The following KRTAP4-4 variants were observed in gnomAD, a reference collection of about 807,000 sequenced individuals.
KRTAP4-4 encodes keratin-associated protein 4-4.
For missense variants in KRTAP4-4, 186 were observed against 206.9 expected, an observed-to-expected ratio of 0.90 and a Z score of 0.62; for synonymous variants, 88 against 76.4, an observed-to-expected ratio of 1.15 and a Z score of -0.79.
chr17:41,160,182 G>A lies in KRTAP4-4; in HGVS notation c.*9C>T. On this transcript the variant is annotated 3_prime_UTR_variant, in exon 1 of 1. Coordinates refer to ENST00000390661, the MANE Select transcript of KRTAP4-4 (RefSeq NM_032524.2). ...TGGTCCTGTAGCAGGTGGTTTGCCA[G>A]CAGATGGGCTAGCAGCATAGAGACT... 6.2e-7 allele frequency: 1 copy of A among 1,611,012 alleles called. No individual in the cohort carries two copies. Among genetic ancestry groups the A allele is most frequent in the South Asian group, 1.1e-5 (1 of 90,804 alleles).
rs2014943588 is a variant in KRTAP4-4, at chr17:41,160,083, G to T, written c.*108C>A. The T allele has an allele frequency of 6.6e-7, 1 of 1,519,152 alleles. No homozygotes were observed. Among genetic ancestry groups the T allele is most frequent in the Non-Finnish European group, 8.9e-7 (1 of 1,117,838 alleles). 94.1% of individuals were successfully genotyped at this position (1,519,152 alleles called of 1,614,324 possible). A position where few individuals can be genotyped will look rare whatever the true frequency, so the allele number is the denominator to read the frequency against. ...TGCAGCAGCTGAAGCCACAGCAGGAGGAGCTACTGCTGCTAGAGATACTGC... is the reference window on the plus strand; with the variant it reads ...TGCAGCAGCTGAAGCCACAGCAGGATGAGCTACTGCTGCTAGAGATACTGC... On this transcript the variant is annotated 3_prime_UTR_variant, in exon 1 of 1. Transcript: ENST00000390661.
Position 41,160,720 on chromosome 17 carries a change from G to A in KRTAP4-4, c.-29C>T, listed in dbSNP as rs1380713952. On this transcript the variant is annotated 5_prime_UTR_variant, in exon 1 of 1. Coordinates refer to ENST00000390661, the MANE Select transcript of KRTAP4-4 (RefSeq NM_032524.2). ...GTCAGAGGGTGGAGGTTCTGGGTGG[G>A]TTTCCAGGAAGGAGGGTTTGGAAGG... The A allele has an allele frequency of 1.3e-6, 2 of 1,588,188 alleles. No homozygotes were observed. The highest frequency in any genetic ancestry group is 1.3e-5 in the African/African-American group (1 of 74,590).
Position 41,160,057 on chromosome 17 carries a change from C to T in KRTAP4-4, c.*134G>A. 1.4e-6 allele frequency: 2 copies of T among 1,389,844 alleles called. No individual in the cohort carries two copies. The highest frequency in any genetic ancestry group is 2.0e-6 in the Non-Finnish European group (2 of 1,013,674). The allele number at this position is 1,389,844 out of a possible 1,614,324, so 86.1% of individuals were successfully genotyped here. On this transcript the variant is annotated 3_prime_UTR_variant, in exon 1 of 1. Transcript: ENST00000390661. ...GCAACTGGAGATGCAGCAGGAGAGC[C>T]TGCAGCAGCTGAAGCCACAGCAGGA...
At position 41,160,627 on chromosome 17, in the gene KRTAP4-4, C is replaced by A. The variant is rs375222953; in HGVS notation, c.65G>T (p.Arg22Leu). ...GCAGGTGGTCTGGCAGTAGCTGGGACGGCAGCAGTTCTCTAGGCCACAGCC... is the reference window on the plus strand; with the variant it reads ...GCAGGTGGTCTGGCAGTAGCTGGGAAGGCAGCAGTTCTCTAGGCCACAGCC... ...DQGCGLENCC[R>L]PSYCQTTCCR... is the part of the protein sequence containing the mutation. Residue 22 changes from arginine to leucine, a missense_variant, in exon 1 of 1, where the codon CGT becomes CTT. Arg to Leu is a moderately radical substitution (Grantham distance 102). Transcript: ENST00000390661. The A allele has an allele frequency of 1.1e-5, 17 of 1,613,876 alleles. No homozygotes were observed. In the African/African-American group the frequency reaches 2.0e-4, roughly 19 times the overall value.
In KRTAP4-4 at chr17:41,160,326, G is replaced by T. The variant is rs748352548; in HGVS notation, c.366C>A (p.Cys122Ter). The T allele has an allele frequency of 8.1e-6, 13 of 1,611,094 alleles. No individual in the cohort carries two copies. In the Admixed American group the frequency reaches 1.5e-4, roughly 19 times the overall value. Residue 122 changes from cysteine (C) to a stop codon, truncating the protein, a stop_gained, in exon 1 of 1, where the codon TGC becomes TGA. Transcript: ENST00000390661. LOFTEE classifies it low-confidence loss of function (END_TRUNC). The stretch of plus-strand genomic sequence containing the variant: ...AGCAGCTGGACACACAGTAGCTGGG[G>T]CAGCAGCAGGTGGGCTGGCAGCACA... ...QSVCCQPTCC[C>*]PSYCVSSCCR...
Position 41,160,395 on chromosome 17 carries a change from G to T in KRTAP4-4, c.297C>A (p.Thr99=), listed in dbSNP as rs2014953678. The T allele has an allele frequency of 2.5e-6, 4 of 1,611,350 alleles. No homozygotes were observed. The highest frequency in any genetic ancestry group is 3.4e-6 in the Non-Finnish European group (4 of 1,179,156). ...QCCQTTCCRT[T]CCRPSCCRPQ... ...GCCTGCAGCAGCTGGGGCGGCAGCA[G>T]GTGGTCCTACAGCAGGTAGTCTGGC... The change falls in exon 1 of 1, where the codon ACC becomes ACA. Residue 99 remains threonine, a synonymous_variant. Coordinates refer to ENST00000390661, the MANE Select transcript of KRTAP4-4 (RefSeq NM_032524.2).
chr17:41,160,126 C>A lies in KRTAP4-4; in HGVS notation c.*65G>T. On this transcript the variant is annotated 3_prime_UTR_variant, in exon 1 of 1. Coordinates refer to ENST00000390661, the MANE Select transcript of KRTAP4-4 (RefSeq NM_032524.2). ...GATACTGCAGGAAGGCTGGCAGCAGCTGGAAATGCAATAGCTGGGGTGGCA... is the reference window on the plus strand; with the variant it reads ...GATACTGCAGGAAGGCTGGCAGCAGATGGAAATGCAATAGCTGGGGTGGCA... 6.3e-7 allele frequency: 1 copy of A among 1,590,884 alleles called. No individual in the cohort carries two copies.
In KRTAP4-4 at chr17:41,160,073, C is replaced by A; in HGVS notation, c.*118G>T. The A allele has an allele frequency of 2.7e-6, 4 of 1,461,474 alleles. No individual in the cohort carries two copies. The highest frequency in any genetic ancestry group is 2.3e-5 in the East Asian group (1 of 43,520). 90.5% of individuals were successfully genotyped at this position (1,461,474 alleles called of 1,614,324 possible). On this transcript the variant is annotated 3_prime_UTR_variant, in exon 1 of 1. Transcript: ENST00000390661. ...CAGGAGAGCCTGCAGCAGCTGAAGC[C>A]ACAGCAGGAGGAGCTACTGCTGCTA...
Position 41,159,699 on chromosome 17 carries a change from G to A in KRTAP4-4, c.*492C>T, listed in dbSNP as rs447974. 0.085 allele frequency: 14,683 copies of A among 172,802 alleles called. 2,395 individuals carry two copies. Among genetic ancestry groups the A allele is most frequent in the African/African-American group, 0.33 (13,876 of 41,636 alleles). The allele number at this position is 172,802 out of a possible 1,614,324, so 10.7% of individuals were successfully genotyped here. A position where few individuals can be genotyped will look rare whatever the true frequency, so the allele number is the denominator to read the frequency against. On this transcript the variant is annotated 3_prime_UTR_variant, in exon 1 of 1. Coordinates refer to ENST00000390661, the MANE Select transcript of KRTAP4-4 (RefSeq NM_032524.2). ...TTAAGATTTATTTAGATAAATATTT[G>A]TTTAAAATGGAATAGCTCCATATGA...
In KRTAP4-4 at chr17:41,160,607, T is replaced by G. The variant is rs1568005832; in HGVS notation, c.85A>C (p.Thr29Pro). 6.2e-7 allele frequency: 1 copy of G among 1,600,348 alleles called. No homozygotes were observed. The change falls in exon 1 of 1, where the codon ACC becomes CCC. Residue 29 changes from threonine (T) to proline (P), a missense_variant. Physicochemically the swap from Thr to Pro is conservative, Grantham distance 38. Coordinates refer to ENST00000390661, the MANE Select transcript of KRTAP4-4 (RefSeq NM_032524.2). ...CGGCAGCAGGTGGTCCTGCAGCAGG[T>G]GGTCTGGCAGTAGCTGGGACGGCAG... The part of the protein sequence containing the change: ...NCCRPSYCQT[T>P]CCRTTCCRPS...
chr17:41,160,309 G>A lies in KRTAP4-4; in HGVS notation c.383C>T (p.Ser128Phe). 1.2e-6 allele frequency: 2 copies of A among 1,610,764 alleles called. No individual in the cohort carries two copies. Among genetic ancestry groups the A allele is most frequent in the Non-Finnish European group, 1.7e-6 (2 of 1,178,948 alleles). ...PTCCCPSYCV[S>F]SCCRPQCCQT... is the part of the protein sequence containing the mutation. Reference sequence around the variant, plus strand: ...GCAGCACTGGGGTCTGCAGCAGCTGGACACACAGTAGCTGGGGCAGCAGCA... The same window carrying A: ...GCAGCACTGGGGTCTGCAGCAGCTGAACACACAGTAGCTGGGGCAGCAGCA... Residue 128 changes from serine (S) to phenylalanine (F), a missense_variant, in exon 1 of 1, where the codon TCC becomes TTC. Physicochemically the swap from Ser to Phe is radical, Grantham distance 155. Coordinates refer to ENST00000390661, the MANE Select transcript of KRTAP4-4 (RefSeq NM_032524.2).
rs1041686249 is a variant in KRTAP4-4, at chr17:41,160,026, G to A, written c.*165C>T. ...AGCACATGGTCTGGCAGCAGTTGGG[G>A]CGGCAGCAACTGGAGATGCAGCAGG... On this transcript the variant is annotated 3_prime_UTR_variant, in exon 1 of 1. Transcript: ENST00000390661. The A allele has an allele frequency of 2.1e-5, 24 of 1,135,084 alleles. No homozygotes were observed. Among genetic ancestry groups the A allele is most frequent in the Non-Finnish European group, 2.9e-5 (23 of 790,012 alleles). The allele number at this position is 1,135,084 out of a possible 1,614,324, so 70.3% of individuals were successfully genotyped here.
At position 41,160,042 on chromosome 17, in the gene KRTAP4-4, A is replaced by T. The variant is rs1250188282; in HGVS notation, c.*149T>A. 6 of 1,227,160 alleles carry T rather than the reference A, an allele frequency of 4.9e-6. No individual in the cohort carries two copies. The Admixed American group carries it at 1.4e-4, about 29-fold the overall frequency. The allele number at this position is 1,227,160 out of a possible 1,614,324, so 76.0% of individuals were successfully genotyped here. A position where few individuals can be genotyped will look rare whatever the true frequency, so the allele number is the denominator to read the frequency against. On this transcript the variant is annotated 3_prime_UTR_variant, in exon 1 of 1. Coordinates refer to ENST00000390661, the MANE Select transcript of KRTAP4-4 (RefSeq NM_032524.2). The stretch of plus-strand genomic sequence containing the variant: ...GCAGTTGGGGCGGCAGCAACTGGAG[A>T]TGCAGCAGGAGAGCCTGCAGCAGCT...
rs573974439 is a variant in KRTAP4-4, at chr17:41,160,370, G to T, written c.322C>A (p.Pro108Thr). Residue 108 changes from proline to threonine, a missense_variant, in exon 1 of 1, where the codon CCC becomes ACC. Pro to Thr is a conservative substitution (Grantham distance 38, BLOSUM62 -1). Coordinates refer to ENST00000390661, the MANE Select transcript of KRTAP4-4 (RefSeq NM_032524.2). ...TTCCRPSCCR[P>T]QCCQSVCCQP... ...CAGCACACAGACTGGCAGCACTGGG[G>T]CCTGCAGCAGCTGGGGCGGCAGCAG... The T allele has an allele frequency of 1.4e-5, 23 of 1,606,756 alleles. No homozygotes were observed. In the East Asian group the frequency reaches 4.9e-4, roughly 35 times the overall value.
chr17:41,160,223 T>C lies in KRTAP4-4; in HGVS notation c.469A>G (p.Arg157Gly). Residue 157 changes from arginine to glycine, a missense_variant, in exon 1 of 1, where the codon AGG becomes GGG. Coordinates refer to ENST00000390661, the MANE Select transcript of KRTAP4-4 (RefSeq NM_032524.2). ...CATAGAGACTGGCCACAATGGGGCCTGTAGCACCTGGACACACAGCAGCTG... is the reference window on the plus strand; with the variant it reads ...CATAGAGACTGGCCACAATGGGGCCCGTAGCACCTGGACACACAGCAGCTG... The part of the protein sequence containing the change: ...RPSCCVSRCY[R>G]PHCGQSLCC 1 of 1,611,816 alleles carries C rather than the reference T, an allele frequency of 6.2e-7. No homozygotes were observed. Among genetic ancestry groups the C allele is most frequent in the Non-Finnish European group, 8.5e-7 (1 of 1,179,480 alleles).
rs1598010076 is a variant in KRTAP4-4 at position 41,160,068 on chromosome 17, G to A, written c.*123C>T. 1 of 1,463,804 alleles carries A rather than the reference G, an allele frequency of 6.8e-7. No individual in the cohort carries two copies. The highest frequency in any genetic ancestry group is 9.3e-7 in the Non-Finnish European group (1 of 1,073,632). The allele number at this position is 1,463,804 out of a possible 1,614,324, so 90.7% of individuals were successfully genotyped here. On this transcript the variant is annotated 3_prime_UTR_variant, in exon 1 of 1. Transcript: ENST00000390661. ...TGCAGCAGGAGAGCCTGCAGCAGCTGAAGCCACAGCAGGAGGAGCTACTGC... is the reference window on the plus strand; with the variant it reads ...TGCAGCAGGAGAGCCTGCAGCAGCTAAAGCCACAGCAGGAGGAGCTACTGC...
rs2014955240 is a variant in KRTAP4-4, at chr17:41,160,475, G to T, written c.217C>A (p.Pro73Thr). The stretch of plus-strand genomic sequence containing the variant: ...CAGCACACAGACTGGCAGCACTGGG[G>T]TCTGCAGCAGCTGGACACACAGCAG... Reference protein sequence around the residue: ...PSCCVSSCCRPQCCQSVCCQP... With the variant: ...PSCCVSSCCRTQCCQSVCCQP... The change falls in exon 1 of 1, where the codon CCC becomes ACC. Residue 73 changes from proline (P) to threonine (T), a missense_variant. Physicochemically the swap from Pro to Thr is conservative, Grantham distance 38. Coordinates refer to ENST00000390661, the MANE Select transcript of KRTAP4-4 (RefSeq NM_032524.2). The T allele has an allele frequency of 1.2e-6, 2 of 1,612,010 alleles. No individual in the cohort carries two copies. The highest frequency in any genetic ancestry group is 1.7e-6 in the Non-Finnish European group (2 of 1,179,596).
chr17:41,159,995 G>A lies in KRTAP4-4; in HGVS notation c.*196C>T, dbSNP rs2014942408. On this transcript the variant is annotated 3_prime_UTR_variant, in exon 1 of 1. Coordinates refer to ENST00000390661, the MANE Select transcript of KRTAP4-4 (RefSeq NM_032524.2). The stretch of plus-strand genomic sequence containing the variant: ...CAGCAAGAAGCACTAGAGCAGGTTG[G>A]GCGGCAGCACATGGTCTGGCAGCAG... The A allele has an allele frequency of 2.3e-6, 2 of 875,408 alleles. No individual in the cohort carries two copies. Among genetic ancestry groups the A allele is most frequent in the East Asian group, 2.5e-5 (1 of 39,406 alleles). The allele number at this position is 875,408 out of a possible 1,614,324, so 54.2% of individuals were successfully genotyped here.
In KRTAP4-4 at chr17:41,160,257, G is replaced by A; in HGVS notation, c.435C>T (p.Cys145=). 1.2e-6 allele frequency: 2 copies of A among 1,613,664 alleles called. No homozygotes were observed. Among genetic ancestry groups the A allele is most frequent in the Admixed American group, 1.7e-5 (1 of 59,992 alleles). The change falls in exon 1 of 1, where the codon TGC becomes TGT. Residue 145 remains cysteine, a synonymous_variant. Coordinates refer to ENST00000390661, the MANE Select transcript of KRTAP4-4 (RefSeq NM_032524.2). ...CCQTTCCRTT[C]CRPSCCVSRC... ...TGGACACACAGCAGCTGGGGCGGCA[G>A]CAGGTGGTTCTGCAGCAGGTGGTCT...
Sources: gnomAD v4.1 joint callset for allele counts on GRCh38, gnomAD v4.1.1 for gene constraint, MANE v1.5 for transcripts, NCBI Gene and HGNC (gene_info 2026-07-23, HGNC 2026-07-21) for gene names.